The following GNAS variants were observed in gnomAD, a reference collection of about 807,000 sequenced individuals.
GNAS encodes protein ALEX.
Under a neutral mutation model 54.5 loss-of-function variants are expected in GNAS, and 8 were observed. The ratio of observed to expected loss-of-function variants is 0.15; its 90% CI spans 0.09 to 0.26. GNAS has a LOEUF of 0.26. Among genes scored for constraint, GNAS ranks in the 10% least tolerant of loss-of-function variants. The probability of loss-of-function intolerance (pLI) is 1.00; values close to 1 mark genes in which losing one functional copy is unlikely to be tolerated. For missense variants in GNAS, 170 were observed against 529.8 expected (o/e 0.32, Z 6.67); for synonymous variants, 204 against 191.4 (o/e 1.07, Z -0.54).
chr20:58,901,782 C>T (rs1021679882), intron 3 of GNAS, among the ~76,000 whole-genome samples: 2 of 151,978 alleles, frequency 1.3e-5, no homozygotes, highest in African/African-American at 4.8e-5. Flanking sequence ...AAAGGAAAGA[C>T]CAAATGATTT....
At position 58,863,149 on chromosome 20, in the gene GNAS, G is replaced by A. The variant is rs1005963438; in HGVS notation, c.43+22263G>A. On this transcript the variant is annotated intron_variant, in intron 1 of 12. Coordinates refer to the GNAS transcript ENST00000306090. The surrounding 1 kb of genome is among the most constrained non-coding windows in gnomAD (Gnocchi z 4.1). Reference sequence around the variant, plus strand: ...CGTCACATGCTCTTTGAGCACACACGAGTCACACACCTTTCAAGTTAGAAT... The same window carrying A: ...CGTCACATGCTCTTTGAGCACACACAAGTCACACACCTTTCAAGTTAGAAT... 6.6e-5 allele frequency among the ~76,000 whole-genome samples: 10 copies of A among 152,060 alleles called. No homozygotes were observed. Among genetic ancestry groups the A allele is most frequent in the African/African-American group, 1.9e-4 (8 of 41,380 alleles).
At position 58,910,239 on chromosome 20, in the gene GNAS, C is replaced by T; in HGVS notation, c.971-95C>T. On this transcript the variant is annotated intron_variant, in intron 11 of 12. Transcript: ENST00000371085. This position sits in a 1 kb window ranked among gnomAD's most constrained non-coding sequence, Gnocchi z 5.8. ...CCCACTAATTCTCATATGGAAAAAT[C>T]AGGGTTTTGAAGACTTCAGGAGCTA... 7.8e-7 allele frequency: 1 copy of T among 1,276,004 alleles called. No individual in the cohort carries two copies. Among genetic ancestry groups the T allele is most frequent in the South Asian group, 1.2e-5 (1 of 84,238 alleles). The allele number at this position is 1,276,004 out of a possible 1,614,324, so 79.0% of individuals were successfully genotyped here. A position where few individuals can be genotyped will look rare whatever the true frequency, so the allele number is the denominator to read the frequency against.
chr20:58,865,088 A>G (rs2086978347), intron 1 of GNAS, among the ~76,000 whole-genome samples: 1 of 152,136 alleles, frequency 6.6e-6, no homozygotes, highest in Non-Finnish European at 1.5e-5. Context: ...GGGACAGTTC[A>G]AGATCATACA....
Position 58,853,591 on chromosome 20 carries a change from C to A in GNAS, c.43+12705C>A, listed in dbSNP as rs2086274791. ...GCAATGCCCTTCGAGGCTGAACAGC[C>A]CAGCTTGGGAGGCTTCTGGCCTACA... is the stretch of plus-strand genomic sequence containing the variant. On this transcript the variant is annotated intron_variant, in intron 1 of 12. Transcript: ENST00000306090. This position sits in a 1 kb window ranked among gnomAD's most constrained non-coding sequence, Gnocchi z 4.4. The A allele has an allele frequency of 6.2e-7, 1 of 1,613,318 alleles. No individual in the cohort carries two copies.
rs1217574440 is a variant in GNAS at position 58,848,970 on chromosome 20, T to C, written c.43+8084T>C. ...AAGGGGGAATATCAGGGTTAAATAC[T>C]GGGATTTATTCTTCCTAGTCTTAAT... On this transcript the variant is annotated intron_variant, in intron 1 of 12. Transcript: ENST00000306090. 5 of 398,466 alleles carry C rather than the reference T, an allele frequency of 1.3e-5. No individual in the cohort carries two copies. The East Asian group carries it at 1.4e-4, about 11-fold the overall frequency. The allele number at this position is 398,466 out of a possible 1,614,324, so 24.7% of individuals were successfully genotyped here.
chr20:58,855,109 C>G, intron 1 of GNAS: 1 of 1,613,690 alleles, frequency 6.2e-7, no homozygotes, highest in South Asian at 1.1e-5. Flanking sequence ...CTCGTGCAAG[C>G]CTTCGGGGGC....
At chr20:58,892,912 T>A (rs939460827) in intron 1 of GNAS, among the ~76,000 whole-genome samples, 1 of 129,242 alleles carries the variant, frequency 7.7e-6, no homozygotes, top group Non-Finnish European at 1.6e-5. Flanking sequence ...CAACACTATT[T>A]TAATAAACCA....
chr20:58,890,602 T>C (rs2089110908), upstream of GNAS: 1 of 152,242 alleles, frequency 6.6e-6, no homozygotes, highest in South Asian at 2.1e-4. Context: ...TGCTTCCGAG[T>C]GTTCCTGGGC....
At chr20:58,839,981 G>A (rs2085656795), upstream of GNAS, 1 of 1,002,324 alleles carries the variant, frequency 1.0e-6, no homozygotes, top group Non-Finnish European at 1.5e-6. Flanking sequence ...AGGTGAGGCT[G>A]GGACCTCCGG....
rs1482808858 is a variant in GNAS, at chr20:58,909,587, G to A, written c.718+8G>A. 3 of 1,614,204 alleles carry A rather than the reference G, an allele frequency of 1.9e-6. No homozygotes were observed. In the Admixed American group the frequency reaches 5.0e-5, roughly 27 times the overall value. On this transcript the variant is annotated splice_region_variant and intron_variant, in intron 9 of 12. Coordinates refer to ENST00000371085, the MANE Select transcript of GNAS (RefSeq NM_000516.7). This position sits in a 1 kb window ranked among gnomAD's most constrained non-coding sequence, Gnocchi z 7.3. The stretch of plus-strand genomic sequence containing the variant: ...GGATCCAGTGCTTCAACGGTAGGAT[G>A]CTGTGGGCTTGGCTGTTCGTAAAGA...
upstream of GNAS, chr20:58,840,396 TC>T: frequency 6.2e-7 from 1 of 1,613,254 alleles, no homozygotes. The surrounding 1 kb of genome is among the most constrained non-coding windows in gnomAD (Gnocchi z 6.0). Flanking sequence ...GAGCTGTCCC[TC>T]CCCGAGTGCC....
chr20:58,854,736 G>A (rs1404729389), intron 1 of GNAS: 1 of 1,538,584 alleles, frequency 6.5e-7, no homozygotes, highest in Admixed American at 1.9e-5. Flanking sequence ...CGCCCCAGCT[G>A]CGCCAGACGC....
chr20:58,855,859 C>A, intron 1 of GNAS: 1 of 556,222 alleles, frequency 1.8e-6, no homozygotes, highest in Non-Finnish European at 3.2e-6. Context: ...CTGTTCCTAT[C>A]CCGGCACCCC....
At chr20:58,864,507 G>A (rs570535829) in intron 1 of GNAS, among the ~76,000 whole-genome samples, 4 of 152,210 alleles carry the variant, frequency 2.6e-5, no homozygotes, top group East Asian at 1.9e-4. Context: ...CCCCCAACAT[G>A]GGAATTTTTA....
At chr20:58,892,252 A>C in intron 1 of GNAS, 2 of 901,486 alleles carry the variant, frequency 2.2e-6, no homozygotes, top group Non-Finnish European at 2.6e-6. Context: ...GGGGCTCCGG[A>C]GACTGCGACA....
In GNAS at chr20:58,871,025, C is replaced by T. The variant is rs576544852; in HGVS notation, c.44-24587C>T. Among the ~76,000 whole-genome samples, 4 of 152,132 alleles carry T rather than the reference C, an allele frequency of 2.6e-5. No homozygotes were observed. In the South Asian group the frequency reaches 8.3e-4, roughly 32 times the overall value. On this transcript the variant is annotated intron_variant, in intron 1 of 12. Coordinates refer to the GNAS transcript ENST00000306090. ...TCATGGTGTGCAGTTTCATATTAATCCCCCTGCTCCACAAACACACACTAC... is the reference window on the plus strand; with the variant it reads ...TCATGGTGTGCAGTTTCATATTAATTCCCCTGCTCCACAAACACACACTAC...
chr20:58,900,076 G>C, intron 3 of GNAS: 1 of 603,218 alleles, frequency 1.7e-6, no homozygotes, highest in Admixed American at 2.8e-5. Context: ...ATCTGAGGGG[G>C]GAGGGGGGAT....
chr20:58,860,819 C>T (rs2086743883), intron 1 of GNAS, among the ~76,000 whole-genome samples: 2 of 152,120 alleles, frequency 1.3e-5, no homozygotes, highest in South Asian at 4.1e-4. Flanking sequence ...CACCACCACA[C>T]CTGGATAATT....
chr20:58,872,962 C>T (rs1300251345), intron 1 of GNAS, among the ~76,000 whole-genome samples: 4 of 152,236 alleles, frequency 2.6e-5, no homozygotes, highest in Non-Finnish European at 5.9e-5. Flanking sequence ...TTGTAAAGCA[C>T]AACCACAAAG....
Sources: gnomAD v4.1 joint callset for allele counts (sites outside exome capture counted in the v4.1 genomes callset) on GRCh38, gnomAD v4.1.1 for gene constraint, Gnocchi (gnomAD v3.1) non-coding constraint, MANE v1.5 for transcripts, NCBI Gene and HGNC (gene_info 2026-07-23, HGNC 2026-07-21) for gene names.